The following PHACTR3 variants were observed in gnomAD, a reference collection of about 807,000 sequenced individuals.
PHACTR3 encodes phosphatase and actin regulator 3.
A neutral mutation model predicts 66.8 loss-of-function variants in PHACTR3; 16 were observed. The ratio of observed to expected loss-of-function variants is 0.24; its 90% CI spans 0.16 to 0.36. PHACTR3 has a LOEUF of 0.36. PHACTR3 is among the 10% of genes least tolerant of loss of function. The pLI, the probability that PHACTR3 is intolerant of heterozygous loss-of-function variation, is 1.00. For missense variants in PHACTR3, 647 were observed against 719.9 expected, an observed-to-expected ratio of 0.90 and a Z score of 1.16; for synonymous variants, 323 against 292.1, an observed-to-expected ratio of 1.11 and a Z score of -1.08.
chr20:59,649,172 T>G (rs1250981697), intron 1 of PHACTR3, among the ~76,000 whole-genome samples: 1 of 152,154 alleles, frequency 6.6e-6, no homozygotes, highest in African/African-American at 2.4e-5. Context: ...GAGAGTGAGG[T>G]TTTATGGTAA....
chr20:59,822,040 G>GATCCCACCCCTTCCCCAGCA (rs1568856150), intron 8 of PHACTR3, among the ~76,000 whole-genome samples: 3 of 43,160 alleles, frequency 7.0e-5, no homozygotes, highest in African/African-American at 3.0e-4. Flanking sequence ...CTTCCCCAGC[G>GATCCCACCCCTTCCCCAGCA]ATCCCACCCC....
intron 7 of PHACTR3, among the ~76,000 whole-genome samples, chr20:59,797,384 G>A (rs1215648159): frequency 1.3e-5 from 2 of 151,294 alleles, no homozygotes; most frequent in Non-Finnish European, 2.9e-5. Context: ...TTTTTTGGCA[G>A]CATCATGTTT....
At chr20:59,632,022 G>A (rs2034682420) in intron 1 of PHACTR3, among the ~76,000 whole-genome samples, 1 of 152,190 alleles carries the variant, frequency 6.6e-6, no homozygotes, top group African/African-American at 2.4e-5. Flanking sequence ...TTCTGAACCT[G>A]CCTCCCTATC....
rs186255963 is a variant in PHACTR3, at chr20:59,623,920, G to A, written c.118+18788G>A. 3.3e-5 allele frequency among the ~76,000 whole-genome samples: 5 copies of A among 152,338 alleles called. No individual in the cohort carries two copies. The South Asian group carries it at 6.2e-4, about 19-fold the overall frequency. On this transcript the variant is annotated intron_variant, in intron 1 of 12. Transcript: ENST00000371015. ...AGGGTGACCCACTGATCTGGGACTCGGAAAGGTCACCCCACTTCTGCTTTG... is the reference window on the plus strand; with the variant it reads ...AGGGTGACCCACTGATCTGGGACTCAGAAAGGTCACCCCACTTCTGCTTTG...
At chr20:59,592,500 G>T (rs143392047) in intron 1 of PHACTR3, among the ~76,000 whole-genome samples, 242 of 152,286 alleles carry the variant, frequency 1.6e-3, no homozygotes, top group Non-Finnish European at 2.9e-3. Flanking sequence ...TCTTCGTGAT[G>T]TACATTCACT....
At chr20:59,825,341 C>T (rs990605921) in intron 8 of PHACTR3, among the ~76,000 whole-genome samples, 1 of 152,194 alleles carries the variant, frequency 6.6e-6, no homozygotes, top group Admixed American at 6.5e-5. Context: ...GTAAACCTGG[C>T]GTTGCCTTGA....
chr20:59,579,167 G>A (rs1196113912), intron 1 of PHACTR3, among the ~76,000 whole-genome samples: 2 of 152,214 alleles, frequency 1.3e-5, no homozygotes, highest in African/African-American at 4.8e-5. Flanking sequence ...CGGCAGCTTG[G>A]CAGTGTGTTC....
At chr20:59,836,320 G>A in intron 8 of PHACTR3, 185 bp from the exon 9 acceptor site, 1 of 570,306 alleles carries the variant, frequency 1.8e-6, no homozygotes. Flanking sequence ...AGCTTTGACT[G>A]TCACCTGGAA....
At chr20:59,806,585 A>C (rs958295520) in intron 8 of PHACTR3, among the ~76,000 whole-genome samples, 1 of 152,158 alleles carries the variant, frequency 6.6e-6, no homozygotes, top group African/African-American at 2.4e-5. Flanking sequence ...GTTCACCTCT[A>C]TCTGATCATT....
chr20:59,597,354 T>TATC (rs772929608), intron 1 of PHACTR3, among the ~76,000 whole-genome samples: 2 of 152,336 alleles, frequency 1.3e-5, no homozygotes, highest in Non-Finnish European at 2.9e-5. Flanking sequence ...CCTCCTCCTT[T>TATC]ATCATCATCA....
At chr20:59,634,463 C>T (rs948199130) in intron 1 of PHACTR3, among the ~76,000 whole-genome samples, 14 of 152,120 alleles carry the variant, frequency 9.2e-5, no homozygotes, top group African/African-American at 2.2e-4. Context: ...TGGCCGTGAA[C>T]GGTGGTGATG....
intron 1 of PHACTR3, among the ~76,000 whole-genome samples, chr20:59,715,924 C>T (rs2038075388): frequency 6.6e-6 from 1 of 152,212 alleles, no homozygotes; most frequent in Admixed American, 6.5e-5. Flanking sequence ...ACACCAGACA[C>T]TGCAGCAGTT....
chr20:59,773,196 C>A (rs1022787062), intron 5 of PHACTR3, 83 bp from the exon 6 acceptor site: 6 of 1,478,524 alleles, frequency 4.1e-6, no homozygotes, highest in Admixed American at 4.1e-5. Flanking sequence ...GCGTCCTTTC[C>A]GCTCATGGTC....
At chr20:59,648,249 A>G (rs1317962475) in intron 1 of PHACTR3, among the ~76,000 whole-genome samples, 1 of 152,184 alleles carries the variant, frequency 6.6e-6, no homozygotes, top group Non-Finnish European at 1.5e-5. Flanking sequence ...CTGTGAGGCC[A>G]CATTTCCTTC....
At chr20:59,727,429 G>A (rs901158489) in intron 1 of PHACTR3, among the ~76,000 whole-genome samples, 2 of 152,110 alleles carry the variant, frequency 1.3e-5, no homozygotes, top group Non-Finnish European at 2.9e-5. Flanking sequence ...TGTAGTCAGC[G>A]CCACCATGCC....
At chr20:59,588,715 C>T (rs1568918743) in intron 1 of PHACTR3, among the ~76,000 whole-genome samples, 1 of 152,194 alleles carries the variant, frequency 6.6e-6, no homozygotes, top group Non-Finnish European at 1.5e-5. Flanking sequence ...TACCACCTCC[C>T]ACCCCCGCTC....
chr20:59,844,811 A>T (rs2059122329), intron 11 of PHACTR3: 1 of 159,058 alleles, frequency 6.3e-6, no homozygotes, highest in Admixed American at 6.4e-5. Flanking sequence ...GTATATTTCA[A>T]AACAGCTAGA....
intron 1 of PHACTR3, among the ~76,000 whole-genome samples, chr20:59,659,626 C>T (rs1430017700): frequency 5.9e-5 from 9 of 152,158 alleles, no homozygotes; most frequent in Non-Finnish European, 1.3e-4. Flanking sequence ...CTGCCTCAGC[C>T]TCCCAAAGTG....
intron 3 of PHACTR3, among the ~76,000 whole-genome samples, chr20:59,748,782 T>G (rs1054811230): frequency 1.3e-5 from 2 of 152,170 alleles, no homozygotes; most frequent in East Asian, 1.9e-4. Context: ...TCCTGAGGCT[T>G]GCATGGATAT....
Sources: gnomAD v4.1 joint callset for allele counts (sites outside exome capture counted in the v4.1 genomes callset) on GRCh38, gnomAD v4.1.1 for gene constraint, MANE v1.5 for transcripts, NCBI Gene and HGNC (gene_info 2026-07-23, HGNC 2026-07-21) for gene names.